The following SPAG8 variants were observed in gnomAD, a reference collection of about 807,000 sequenced individuals.
The protein encoded by SPAG8 is sperm-associated antigen 8.
In SPAG8, 36 loss-of-function variants were observed where a neutral mutation model predicts 45.3. That is an observed-to-expected ratio of 0.80 (90% CI 0.61 to 1.05). SPAG8 has a LOEUF of 1.05. SPAG8 is among the 50% of genes least tolerant of loss of function. SPAG8 has a pLI of 0.00. For synonymous variants in SPAG8, 227 were observed against 232.6 expected (o/e 0.98, Z 0.22); for missense variants, 573 against 609.2 (o/e 0.94, Z 0.63).
At chr9:35,810,732 G>T (rs1317511783) in intron 3 of SPAG8, 50 bp from the exon 4 acceptor site, 4 of 1,610,668 alleles carry the variant, frequency 2.5e-6, no homozygotes, top group East Asian at 2.2e-5. Flanking sequence ...TAAGAAGGAG[G>T]CCCAGAAGAA....
downstream of SPAG8, chr9:35,809,272 G>T: frequency 1.2e-6 from 2 of 1,611,108 alleles, no homozygotes; most frequent in Non-Finnish European, 1.7e-6. The surrounding 1 kb of genome is among the most constrained non-coding windows in gnomAD (Gnocchi z 4.1). Context: ...TGGGGAGGGG[G>T]GCATGGAAAG....
At chr9:35,811,108 C>T in intron 2 of SPAG8, 51 bp from the exon 3 acceptor site, 1 of 1,579,640 alleles carries the variant, frequency 6.3e-7, no homozygotes, top group Non-Finnish European at 8.6e-7. Flanking sequence ...TACCCACCCT[C>T]ATGTAAACTA....
downstream of SPAG8, chr9:35,808,285 T>G (rs1210445355): frequency 6.2e-7 from 1 of 1,612,878 alleles, no homozygotes; most frequent in Non-Finnish European, 8.5e-7. This position sits in a 1 kb window ranked among gnomAD's most constrained non-coding sequence, Gnocchi z 4.0. Context: ...TCCGCAAATG[T>G]TTACTGAGTA....
chr9:35,809,525 G>A, downstream of SPAG8: 1 of 1,609,724 alleles, frequency 6.2e-7, no homozygotes, highest in Non-Finnish European at 8.5e-7. The surrounding 1 kb of genome is among the most constrained non-coding windows in gnomAD (Gnocchi z 4.1). Flanking sequence ...GCACACACCA[G>A]AAATGGACAT....
downstream of SPAG8, chr9:35,808,226 G>A (rs774490885): frequency 6.2e-7 from 1 of 1,614,122 alleles, no homozygotes; most frequent in East Asian, 2.2e-5. This position sits in a 1 kb window ranked among gnomAD's most constrained non-coding sequence, Gnocchi z 4.0. Flanking sequence ...ATTTCCTGAT[G>A]GCAGAGCCTA....
Position 35,811,380 on chromosome 9 carries a change from T to G in SPAG8, c.666A>C (p.Ala222=). The change falls in exon 2 of 7, where the codon GCA becomes GCC. Residue 222 remains alanine (A), a synonymous_variant. Coordinates refer to ENST00000396638, the MANE Select transcript of SPAG8 (RefSeq NM_001039592.2). ...CIPPGFRNLV[A]DRVPNYTSWS... is the part of the protein sequence containing the mutation. ...AGGAGGTATAGTTAGGGACCCGATC[T>G]GCCACCAGGTTTCTGAACCCTGGAG... The G allele has an allele frequency of 6.2e-7, 1 of 1,614,198 alleles. No homozygotes were observed. Among genetic ancestry groups the G allele is most frequent in the Admixed American group, 1.7e-5 (1 of 60,022 alleles).
Position 35,810,902 on chromosome 9 carries a change from G to A in SPAG8, c.1020C>T (p.Asn340=), listed in dbSNP as rs374306989. The change falls in exon 3 of 7, where the codon AAC becomes AAT. Residue 340 remains asparagine, a synonymous_variant. Coordinates refer to ENST00000396638, the MANE Select transcript of SPAG8 (RefSeq NM_001039592.2). ...TQKDSYQPPG[N]VYWPLRGKRE... ...TCACACCTCGAAGTGGCCAATAGAC[G>A]TTTCCTGGTGGCTGGTACGAGTCTT... 1.7e-5 allele frequency: 27 copies of A among 1,613,572 alleles called. No homozygotes were observed. The highest frequency in any genetic ancestry group is 9.3e-5 in the African/African-American group (7 of 74,960).
rs1358014150 is a variant in SPAG8, at chr9:35,811,433, G to A, written c.613C>T (p.Pro205Ser). Residue 205 changes from proline to serine, a missense_variant, in exon 2 of 7, where the codon CCT becomes TCT. Physicochemically the swap from Pro to Ser is moderately conservative, Grantham distance 74 (BLOSUM62 -1). Transcript: ENST00000396638. ...ATACAGGGGCTGAGCTCAGAGTCAG[G>A]GCCAGTGTCTGGACCAGGCCCAGAG... ...PASGPGPDTG[P>S]DSELSPCIPP... The A allele has an allele frequency of 6.2e-7, 1 of 1,614,128 alleles. No homozygotes were observed. Among genetic ancestry groups the A allele is most frequent in the Admixed American group, 1.7e-5 (1 of 60,032 alleles).
intron 3 of SPAG8, 83 bp from the exon 4 acceptor site, chr9:35,810,765 G>C (rs1828745925): frequency 3.7e-6 from 6 of 1,603,932 alleles, no homozygotes; most frequent in South Asian, 1.1e-5. Flanking sequence ...AAAGGAAGAA[G>C]AACCTTGGGG....
downstream of SPAG8, chr9:35,808,833 G>T (rs771373457): frequency 1.1e-5 from 17 of 1,606,366 alleles, no homozygotes; most frequent in Non-Finnish European, 6.0e-6. This position sits in a 1 kb window ranked among gnomAD's most constrained non-coding sequence, Gnocchi z 4.0. Context: ...ACTGCTTCTC[G>T]AATGGAGTCT....
chr9:35,811,456 G>C lies in SPAG8; in HGVS notation c.590C>G (p.Ser197Cys). Residue 197 changes from serine to cysteine, a missense_variant, in exon 2 of 7, where the codon TCT becomes TGT. Coordinates refer to ENST00000396638, the MANE Select transcript of SPAG8 (RefSeq NM_001039592.2). ...HGSGSHPGPA[S>C]GPGPDTGPDS... The stretch of plus-strand genomic sequence containing the variant: ...AGGGCCAGTGTCTGGACCAGGCCCA[G>C]AGGCAGGACCAGGATGAGAGCCAGA... 1.9e-6 allele frequency: 3 copies of C among 1,613,836 alleles called. No individual in the cohort carries two copies. The highest frequency in any genetic ancestry group is 2.5e-6 in the Non-Finnish European group (3 of 1,179,778).
chr9:35,808,901 C>T, downstream of SPAG8: 1 of 1,196,212 alleles, frequency 8.4e-7, no homozygotes, highest in Non-Finnish European at 1.3e-6. The surrounding 1 kb of genome is among the most constrained non-coding windows in gnomAD (Gnocchi z 4.0). Context: ...TTTATCTTGC[C>T]CTTTTCTTCT....
chr9:35,811,524 A>T lies in SPAG8; in HGVS notation c.522T>A (p.Gly174=). The T allele has an allele frequency of 1.2e-6, 2 of 1,605,052 alleles. No homozygotes were observed. The highest frequency in any genetic ancestry group is 1.7e-6 in the Non-Finnish European group (2 of 1,174,996). Residue 174 remains glycine, a synonymous_variant, in exon 2 of 7, where the codon GGT becomes GGA. Transcript: ENST00000396638. The part of the protein sequence containing the change: ...GCGSVPGSGS[G]PGPGSGPGSG... ...AGCCAGGACCAGAGCCAGGACCAGG[A>T]CCAGAGCCAGAGCCAGGGACAGAGC... is the stretch of plus-strand genomic sequence containing the variant.
Position 35,811,773 on chromosome 9 carries a change from G to C in SPAG8, c.273C>G (p.Ser91Arg). The C allele has an allele frequency of 6.2e-7, 1 of 1,614,246 alleles. No homozygotes were observed. The highest frequency in any genetic ancestry group is 8.5e-7 in the Non-Finnish European group (1 of 1,180,034). ...SEFMEPSSDP[S>R]LLGEPCAGPG... ...GTCCCGCACAGGGCTCCCCAAGAAG[G>C]CTGGGGTCAGAGGACGGCTCCATGA... The change falls in exon 2 of 7, where the codon AGC (serine) becomes AGG (arginine). Residue 91 changes from serine to arginine, a missense_variant. Ser to Arg is a moderately radical substitution (Grantham distance 110). Coordinates refer to ENST00000396638, the MANE Select transcript of SPAG8 (RefSeq NM_001039592.2).
chr9:35,809,638 G>T, downstream of SPAG8: 3 of 1,115,366 alleles, frequency 2.7e-6, no homozygotes, highest in Non-Finnish European at 4.1e-6. This position sits in a 1 kb window ranked among gnomAD's most constrained non-coding sequence, Gnocchi z 4.1. Flanking sequence ...TCTCTGGCTT[G>T]GTCCCCTTCC....
Position 35,811,373 on chromosome 9 carries a change from C to T in SPAG8, c.673G>A (p.Val225Ile). Reference sequence around the variant, plus strand: ...TGACTCCAGGAGGTATAGTTAGGGACCCGATCTGCCACCAGGTTTCTGAAC... The same window carrying T: ...TGACTCCAGGAGGTATAGTTAGGGATCCGATCTGCCACCAGGTTTCTGAAC... Reference protein sequence around the residue: ...PGFRNLVADRVPNYTSWSQHC... With the variant: ...PGFRNLVADRIPNYTSWSQHC... Residue 225 changes from valine to isoleucine, a missense_variant, in exon 2 of 7, where the codon GTC (valine) becomes ATC (isoleucine). Transcript: ENST00000396638. 6.2e-7 allele frequency: 1 copy of T among 1,614,166 alleles called. No homozygotes were observed. Among genetic ancestry groups the T allele is most frequent in the Non-Finnish European group, 8.5e-7 (1 of 1,180,034 alleles).
chr9:35,809,654 A>G (rs753228801), downstream of SPAG8: 11 of 1,116,292 alleles, frequency 9.9e-6, no homozygotes, highest in Non-Finnish European at 1.4e-5. This position sits in a 1 kb window ranked among gnomAD's most constrained non-coding sequence, Gnocchi z 4.1. Flanking sequence ...CTTCCTCCCT[A>G]CTTTCTGTAA....
At chr9:35,808,061 G>T, downstream of SPAG8, 1 of 770,290 alleles carries the variant, frequency 1.3e-6, no homozygotes, top group Non-Finnish European at 2.3e-6. This position sits in a 1 kb window ranked among gnomAD's most constrained non-coding sequence, Gnocchi z 4.0. Flanking sequence ...TAAAACAATG[G>T]CATTTATTCT....
rs1828789797 is a variant in SPAG8, at chr9:35,811,419, G to T, written c.627C>A (p.Leu209=). ...PGPDTGPDSE[L]SPCIPPGFRN... is the part of the protein sequence containing the mutation. ...TGAACCCTGGAGGAATACAGGGGCT[G>T]AGCTCAGAGTCAGGGCCAGTGTCTG... Residue 209 remains leucine, a synonymous_variant, in exon 2 of 7, where the codon CTC becomes CTA. Coordinates refer to ENST00000396638, the MANE Select transcript of SPAG8 (RefSeq NM_001039592.2). The T allele has an allele frequency of 6.2e-7, 1 of 1,614,198 alleles. No homozygotes were observed. Among genetic ancestry groups the T allele is most frequent in the East Asian group, 2.2e-5 (1 of 44,880 alleles).
Sources: gnomAD v4.1 joint callset for allele counts on GRCh38, gnomAD v4.1.1 for gene constraint, Gnocchi (gnomAD v3.1) non-coding constraint, MANE v1.5 for transcripts, NCBI Gene and HGNC (gene_info 2026-07-23, HGNC 2026-07-21) for gene names.